Variants in ROBO2 observed in about 807,000 individuals in gnomAD.
ROBO2 encodes roundabout homolog 2.
ROBO2 carries 53 observed loss-of-function variants against 160.8 expected under a neutral mutation model. The ratio of observed to expected loss-of-function variants is 0.33; its 90% CI spans 0.26 to 0.41. The LOEUF (loss-of-function observed/expected upper bound fraction) is 0.41, where lower values mean the gene tolerates loss of function less well. Ranked by LOEUF, ROBO2 falls within the 10% of genes least tolerant of loss-of-function variation. ROBO2 has a pLI of 1.00. For missense variants in ROBO2, 1,577 were observed against 1,722.4 expected, an observed-to-expected ratio of 0.92 and a Z score of 1.49; for synonymous variants, 664 against 611.7, an observed-to-expected ratio of 1.09 and a Z score of -1.26.
intron 2 of ROBO2, among the ~76,000 whole-genome samples, chr3:77,425,404 C>G (rs1183494492): frequency 6.6e-6 from 1 of 152,100 alleles, no homozygotes; most frequent in South Asian, 2.1e-4. Flanking sequence ...AGATGGTGTC[C>G]TCTTTTGGAG....
At chr3:76,861,632 A>G (rs530588403) in intron 2 of ROBO2, among the ~76,000 whole-genome samples, 8 of 152,246 alleles carry the variant, frequency 5.3e-5, no homozygotes, top group South Asian at 2.1e-4. Flanking sequence ...TTCATTTCCA[A>G]TCCCTCACTT....
chr3:76,229,104 T>G lies in ROBO2; in HGVS notation c.109+291502T>G, dbSNP rs1418061714. Among the ~76,000 whole-genome samples, 3 of 152,192 alleles carry G rather than the reference T, an allele frequency of 2.0e-5. No individual in the cohort carries two copies. The South Asian group carries it at 6.2e-4, about 31-fold the overall frequency. On this transcript the variant is annotated intron_variant, in intron 2 of 26. Coordinates refer to the ROBO2 transcript ENST00000487694. ...TCTAGTATATCAGTTTCCACAATTT[T>G]TTTTTGGAAAGAAAACCCACTGCAT...
intron 2 of ROBO2, among the ~76,000 whole-genome samples, chr3:76,748,583 TATA>T (rs997444844): frequency 2.0e-5 from 3 of 151,634 alleles, no homozygotes; most frequent in Non-Finnish European, 4.4e-5. Flanking sequence ...TTTTGATTAA[TATA>T]ATTATTAATA....
At chr3:76,308,774 T>C (rs138151664) in intron 2 of ROBO2, among the ~76,000 whole-genome samples, 4,094 of 152,270 alleles carry the variant, frequency 0.027, 173 homozygotes, top group African/African-American at 0.089. Context: ...CAACAGTGAT[T>C]TTGTTCTTCC....
intron 2 of ROBO2, among the ~76,000 whole-genome samples, chr3:76,100,541 A>G (rs907879839): frequency 6.6e-6 from 1 of 152,216 alleles, no homozygotes; most frequent in Non-Finnish European, 1.5e-5. Flanking sequence ...ATAGAGTTGA[A>G]CATAATTTTT....
intron 2 of ROBO2, among the ~76,000 whole-genome samples, chr3:76,708,462 T>A (rs2093217311): frequency 6.6e-6 from 1 of 152,196 alleles, no homozygotes; most frequent in Non-Finnish European, 1.5e-5. Context: ...GGATATCTTT[T>A]CAATTTTGCT....
intron 2 of ROBO2, among the ~76,000 whole-genome samples, chr3:76,102,329 A>ATG (rs1227379621): frequency 1.3e-5 from 2 of 152,182 alleles, no homozygotes; most frequent in South Asian, 2.1e-4. Context: ...GTTTCTTTTT[A>ATG]TATTTTTGAT....
At chr3:76,002,478 C>A (rs1463887391) in intron 2 of ROBO2, among the ~76,000 whole-genome samples, 1 of 152,024 alleles carries the variant, frequency 6.6e-6, no homozygotes, top group East Asian at 1.9e-4. Flanking sequence ...ATCACGGGGG[C>A]AGTTTCCCCA....
chr3:76,933,998 T>G (rs200969991), intron 2 of ROBO2, among the ~76,000 whole-genome samples: 1 of 152,330 alleles, frequency 6.6e-6, no homozygotes, highest in East Asian at 1.9e-4. Flanking sequence ...TTCAAGAATT[T>G]AATATTCAGT....
intron 2 of ROBO2, among the ~76,000 whole-genome samples, chr3:77,277,176 CTTTCT>C (rs1439714929): frequency 0.011 from 1,156 of 101,668 alleles, 17 homozygotes; most frequent in African/African-American, 0.043. Flanking sequence ...TTCTTTCTTT[CTTTCT>C]TTCTTTCTTT....
At chr3:76,105,707 A>C (rs2069896643) in intron 2 of ROBO2, among the ~76,000 whole-genome samples, 1 of 152,102 alleles carries the variant, frequency 6.6e-6, no homozygotes, top group Admixed American at 6.6e-5. Context: ...CATTAGAAGG[A>C]GAGAACACTT....
At chr3:77,512,580 A>G (rs1225848287) in intron 5 of ROBO2, among the ~76,000 whole-genome samples, 1 of 152,012 alleles carries the variant, frequency 6.6e-6, no homozygotes, top group African/African-American at 2.4e-5. Context: ...ACAGGGTTCC[A>G]TAAGATGAAT....
Position 77,527,323 on chromosome 3 carries a change from C to A in ROBO2, c.934+4421C>A. 3 of 1,038,298 alleles carry A rather than the reference C, an allele frequency of 2.9e-6. No individual in the cohort carries two copies. The African/African-American group carries it at 4.9e-5, about 17-fold the overall frequency. The allele number at this position is 1,038,298 out of a possible 1,614,324, so 64.3% of individuals were successfully genotyped here. On this transcript the variant is annotated intron_variant, in intron 6 of 25. Transcript: ENST00000461745. Reference sequence around the variant, plus strand: ...GTCCATACTTAAATGTAACATTACACATCATGCATTCTGATAATTTTTCTT... The same window carrying A: ...GTCCATACTTAAATGTAACATTACAAATCATGCATTCTGATAATTTTTCTT...
chr3:75,986,018 A>G (rs1576385222), intron 2 of ROBO2, among the ~76,000 whole-genome samples: 1 of 151,666 alleles, frequency 6.6e-6, no homozygotes, highest in East Asian at 1.9e-4. Context: ...GTACAAATAT[A>G]TCTTCAAGAC....
At chr3:76,412,934 C>T (rs1184014235) in intron 2 of ROBO2, among the ~76,000 whole-genome samples, 1 of 152,196 alleles carries the variant, frequency 6.6e-6, no homozygotes, top group Non-Finnish European at 1.5e-5. Flanking sequence ...CCGCACTGCC[C>T]TAGCAGAGGT....
intron 5 of ROBO2, among the ~76,000 whole-genome samples, chr3:77,518,111 T>C (rs1441385090): frequency 2.0e-5 from 3 of 151,494 alleles, no homozygotes; most frequent in Non-Finnish European, 4.4e-5. Flanking sequence ...GTACTATCAG[T>C]AGTAACTTTG....
chr3:76,433,994 G>A (rs1266238042), intron 2 of ROBO2: 6 of 902,516 alleles, frequency 6.6e-6, no homozygotes, highest in Admixed American at 3.4e-5. Flanking sequence ...CCAGAGGTGA[G>A]TCAGAACTCT....
chr3:76,925,453 T>C (rs1201443652), intron 2 of ROBO2, among the ~76,000 whole-genome samples: 1 of 152,146 alleles, frequency 6.6e-6, no homozygotes, highest in Non-Finnish European at 1.5e-5. Flanking sequence ...AAGCCAGTTT[T>C]ACTAAAATAT....
intron 2 of ROBO2, among the ~76,000 whole-genome samples, chr3:76,635,024 A>G (rs191051204): frequency 1.6e-3 from 243 of 152,190 alleles, no homozygotes; most frequent in African/African-American, 5.5e-3. Context: ...TCATCCTGAA[A>G]CCATCTGCTC....
Sources: allele counts gnomAD v4.1 joint callset (sites outside exome capture counted in the v4.1 genomes callset), GRCh38; gene constraint gnomAD v4.1.1; transcripts MANE v1.5; gene names NCBI Gene and HGNC (gene_info 2026-07-23, HGNC 2026-07-21).